Variants in FAS observed in about 807,000 individuals in gnomAD.
FAS encodes the protein tumor necrosis factor receptor superfamily member 6.
In FAS, 5 loss-of-function variants were observed where a neutral mutation model predicts 33.2. The ratio of observed to expected loss-of-function variants is 0.15; its 90% CI spans 0.08 to 0.32. FAS has a LOEUF of 0.32. Among genes scored for constraint, FAS ranks in the 10% least tolerant of loss-of-function variants. The pLI is 1.00. For synonymous variants in FAS, 131 were observed against 130.7 expected (o/e 1.00, Z -0.01); for missense variants, 339 against 386.0 (o/e 0.88, Z 1.02).
intron 1 of FAS, among the ~76,000 whole-genome samples, chr10:88,965,870 C>G (rs1052703130): frequency 1.3e-5 from 2 of 152,116 alleles, no homozygotes; most frequent in African/African-American, 4.8e-5. Flanking sequence ...TTTGAGAGAG[C>G]CCTGCCAAAA....
At chr10:88,976,733 G>C (rs1846573302) in intron 2 of FAS, among the ~76,000 whole-genome samples, 1 of 152,206 alleles carries the variant, frequency 6.6e-6, no homozygotes, top group South Asian at 2.1e-4. Flanking sequence ...AAGAAGCTAT[G>C]ATAGAAATAA....
rs67257516 is a variant in FAS, at chr10:88,999,192, T to TAAAATA, written c.31-3832_31-3831insAAAAAT. Among the ~76,000 whole-genome samples, 40 of 147,220 alleles carry TAAAATA rather than the reference T, an allele frequency of 2.7e-4. 2 individuals carry two copies. In the East Asian group the frequency reaches 5.7e-3, roughly 21 times the overall value. The stretch of plus-strand genomic sequence containing the variant: ...ATAAATAAAATAAAATAAAATAAAA[T>TAAAATA]AAAATCTCACTTTCTGTTTCTACTG... On this transcript the variant is annotated intron_variant, in intron 1 of 8. Transcript: ENST00000652046.
At chr10:89,010,709 G>C (rs761879131) in intron 5 of FAS, 44 bp from the exon 6 acceptor site, 1 of 1,611,688 alleles carries the variant, frequency 6.2e-7, no homozygotes, top group African/African-American at 1.3e-5. Context: ...TAATCTTAAA[G>C]ATTGCTTATT....
intron 1 of FAS, among the ~76,000 whole-genome samples, chr10:88,997,291 T>A (rs1345957127): frequency 1.3e-5 from 2 of 152,144 alleles, no homozygotes; most frequent in African/African-American, 4.8e-5. Context: ...GATTCTGATG[T>A]CTGTCGGGGT....
At chr10:88,979,538 G>A (rs1016785152) in intron 2 of FAS, among the ~76,000 whole-genome samples, 5 of 152,104 alleles carry the variant, frequency 3.3e-5, no homozygotes. Context: ...TGAAGTATGG[G>A]GAAAGAGAAT....
At chr10:88,993,594 G>A (rs1268124504) in intron 1 of FAS, among the ~76,000 whole-genome samples, 1 of 152,156 alleles carries the variant, frequency 6.6e-6, no homozygotes, top group Non-Finnish European at 1.5e-5. Context: ...GAAAGGGAGA[G>A]GGCCTTTGGA....
At chr10:89,002,983 T>C (rs1449401943) in intron 1 of FAS, 46 bp from the exon 2 acceptor site, 3 of 1,611,170 alleles carry the variant, frequency 1.9e-6, no homozygotes, top group South Asian at 2.2e-5. Context: ...ACCACGTTGC[T>C]TACTTCAGAA....
intron 2 of FAS, among the ~76,000 whole-genome samples, chr10:88,979,923 A>G (rs995449037): frequency 6.6e-6 from 1 of 152,196 alleles, no homozygotes; most frequent in Non-Finnish European, 1.5e-5. Flanking sequence ...ATGGAATAAT[A>G]GAAGATATAG....
Position 89,012,089 on chromosome 10 carries a change from T to C in FAS, c.651+8T>C, listed in dbSNP as rs771146577. The C allele has an allele frequency of 1.2e-5, 19 of 1,603,156 alleles. No homozygotes were observed. Among genetic ancestry groups the C allele is most frequent in the Middle Eastern group, 1.7e-4 (1 of 6,036 alleles). The stretch of plus-strand genomic sequence containing the variant: ...TCTCCAACTTTAAATCCTGTAGGTA[T>C]TGAAATAGGTATCAGCTTTCCTTGA... On this transcript the variant is annotated splice_region_variant and intron_variant, in intron 7 of 8. Transcript: ENST00000652046.
intron 1 of FAS, among the ~76,000 whole-genome samples, chr10:88,965,980 A>G (rs1254286448): frequency 6.6e-6 from 1 of 152,184 alleles, no homozygotes; most frequent in Admixed American, 6.6e-5. Flanking sequence ...GCCTGAATTT[A>G]CGGAACCATG....
chr10:88,997,260 T>C (rs1040489763), intron 1 of FAS, among the ~76,000 whole-genome samples: 1 of 152,226 alleles, frequency 6.6e-6, no homozygotes, highest in African/African-American at 2.4e-5. Context: ...GCACTTTTTA[T>C]TAAATAATGC....
chr10:88,984,708 G>A (rs577554012), upstream of FAS, among the ~76,000 whole-genome samples: 2 of 151,776 alleles, frequency 1.3e-5, no homozygotes, highest in South Asian at 2.1e-4. Context: ...CACTGGGCCT[G>A]TCTAAATGGC....
At chr10:88,965,011 T>C (rs1282253633) in intron 1 of FAS, among the ~76,000 whole-genome samples, 1 of 152,152 alleles carries the variant, frequency 6.6e-6, no homozygotes, top group African/African-American at 2.4e-5. Context: ...GTGTATTCTA[T>C]TTCCAGAGCC....
chr10:89,014,568 G>A lies in FAS; in HGVS notation c.*118G>A, dbSNP rs1196533016. On this transcript the variant is annotated 3_prime_UTR_variant, in exon 9 of 9. Transcript: ENST00000652046. ...TGGGTACATTTTATCATTTATTAGCGCTGAAGAGCCAACATATTTGTAGAT... is the reference window on the plus strand; with the variant it reads ...TGGGTACATTTTATCATTTATTAGCACTGAAGAGCCAACATATTTGTAGAT... 29 of 926,946 alleles carry A rather than the reference G, an allele frequency of 3.1e-5. No homozygotes were observed. The highest frequency in any genetic ancestry group is 1.6e-4 in the Admixed American group (8 of 50,352). 57.4% of individuals were successfully genotyped at this position (926,946 alleles called of 1,614,324 possible). A position where few individuals can be genotyped will look rare whatever the true frequency, so the allele number is the denominator to read the frequency against.
upstream of FAS, among the ~76,000 whole-genome samples, chr10:88,985,532 C>A (rs1250814505): frequency 1.3e-5 from 2 of 152,210 alleles, no homozygotes; most frequent in East Asian, 3.8e-4. Flanking sequence ...ATTCCACATT[C>A]TCTTTCTATC....
At chr10:88,985,271 A>T (rs1049389339), upstream of FAS, among the ~76,000 whole-genome samples, 4 of 152,058 alleles carry the variant, frequency 2.6e-5, no homozygotes, top group African/African-American at 7.3e-5. Context: ...ATATCTAGGG[A>T]CTCTGTCCTT....
At chr10:88,978,623 C>T (rs1160209198) in intron 2 of FAS, among the ~76,000 whole-genome samples, 2 of 152,130 alleles carry the variant, frequency 1.3e-5, no homozygotes, top group Non-Finnish European at 2.9e-5. Flanking sequence ...CAGTCAGGCT[C>T]ATGCTGAGAG....
intron 2 of FAS, among the ~76,000 whole-genome samples, chr10:89,004,087 G>A (rs1015951335): frequency 3.3e-5 from 5 of 152,066 alleles, no homozygotes; most frequent in Admixed American, 2.6e-4. Context: ...TCTCCAACAC[G>A]AATAAAGAAT....
At chr10:88,993,377 C>T (rs7076197) in intron 1 of FAS, among the ~76,000 whole-genome samples, 23,153 of 151,948 alleles carry the variant, frequency 0.15, 2,119 homozygotes, top group East Asian at 0.43. Flanking sequence ...GAAAGTCCCT[C>T]GCTCAGAAAT....
Sources: gnomAD v4.1 joint callset for allele counts (sites outside exome capture counted in the v4.1 genomes callset) on GRCh38, gnomAD v4.1.1 for gene constraint, MANE v1.5 for transcripts, NCBI Gene and HGNC (gene_info 2026-07-23, HGNC 2026-07-21) for gene names.